The following NALF1 variants were observed in gnomAD, a reference collection of about 807,000 sequenced individuals.
The protein encoded by NALF1 is family with sequence similarity 155 member A.
Under a neutral mutation model 48.4 loss-of-function variants are expected in NALF1, and 3 were observed. The observed-to-expected ratio is 0.06, with a 90% CI of 0.03 to 0.16. The LOEUF is 0.16. Ranked by LOEUF, NALF1 falls within the 10% of genes least tolerant of loss-of-function variation. The pLI, the probability that NALF1 is intolerant of heterozygous loss-of-function variation, is 1.00. For missense variants in NALF1, 526 were observed against 571.5 expected (o/e 0.92, Z 0.81); for synonymous variants, 262 against 245.7 (o/e 1.07, Z -0.62).
intron 1 of NALF1, among the ~76,000 whole-genome samples, chr13:107,727,101 A>G (rs956582075): frequency 1.2e-4 from 18 of 152,064 alleles, no homozygotes; most frequent in African/African-American, 4.1e-4. Context: ...TGATCCTTCA[A>G]TGATACAAGA....
chr13:107,537,024 G>T (rs1876842366), intron 1 of NALF1, among the ~76,000 whole-genome samples: 1 of 152,084 alleles, frequency 6.6e-6, no homozygotes, highest in Admixed American at 6.6e-5. Context: ...GGTGGGAATT[G>T]AACAATGAGA....
intron 2 of NALF1, among the ~76,000 whole-genome samples, chr13:107,186,585 C>G (rs1315881666): frequency 6.6e-6 from 1 of 152,130 alleles, no homozygotes; most frequent in African/African-American, 2.4e-5. Flanking sequence ...CGAGGATGGT[C>G]TCGATCTCCT....
intron 1 of NALF1, among the ~76,000 whole-genome samples, chr13:107,260,537 C>T (rs575687123): frequency 6.6e-6 from 1 of 152,238 alleles, no homozygotes; most frequent in South Asian, 2.1e-4. Context: ...TAATAAAATC[C>T]CCCACTCTGA....
chr13:107,175,734 C>T (rs1398234388), intron 2 of NALF1, among the ~76,000 whole-genome samples: 1 of 152,090 alleles, frequency 6.6e-6, no homozygotes, highest in Non-Finnish European at 1.5e-5. Context: ...TCAATGACAC[C>T]CTTGGGACCT....
chr13:107,798,385 T>C (rs1027881600), intron 1 of NALF1, among the ~76,000 whole-genome samples: 2 of 152,188 alleles, frequency 1.3e-5, no homozygotes, highest in African/African-American at 2.4e-5. Flanking sequence ...ATAAAATTAA[T>C]AACAAAAATT....
intron 1 of NALF1, among the ~76,000 whole-genome samples, chr13:107,444,069 T>C (rs1226487827): frequency 6.6e-6 from 1 of 152,122 alleles, no homozygotes. Context: ...AAATTGATAA[T>C]AAAATTAGGA....
intron 1 of NALF1, among the ~76,000 whole-genome samples, chr13:107,578,796 G>A (rs915536560): frequency 2.0e-5 from 3 of 152,094 alleles, no homozygotes; most frequent in Non-Finnish European, 4.4e-5. Flanking sequence ...TGAATATGTA[G>A]AACTATACTG....
At chr13:107,172,452 T>C (rs990967465) in intron 2 of NALF1, among the ~76,000 whole-genome samples, 3 of 152,296 alleles carry the variant, frequency 2.0e-5, no homozygotes, top group African/African-American at 7.2e-5. Context: ...TAATTAAAAA[T>C]AATCTCAAAT....
At chr13:107,213,554 G>A (rs562548169) in intron 1 of NALF1, among the ~76,000 whole-genome samples, 1 of 152,302 alleles carries the variant, frequency 6.6e-6, no homozygotes, top group South Asian at 2.1e-4. Flanking sequence ...GAGCTGAATC[G>A]AAATCCGAAG....
At chr13:107,549,619 T>C (rs932553476) in intron 1 of NALF1, among the ~76,000 whole-genome samples, 6 of 152,210 alleles carry the variant, frequency 3.9e-5, no homozygotes, top group South Asian at 2.1e-4. Flanking sequence ...TGTGTATATA[T>C]GGTTGTGTAT....
At chr13:107,833,856 A>G (rs1879812252) in intron 1 of NALF1, among the ~76,000 whole-genome samples, 1 of 151,562 alleles carries the variant, frequency 6.6e-6, no homozygotes, top group East Asian at 2.0e-4. Flanking sequence ...TATCTTAATT[A>G]TATTAAAGTA....
chr13:107,307,170 C>T (rs1384577880), intron 1 of NALF1, among the ~76,000 whole-genome samples: 4 of 152,112 alleles, frequency 2.6e-5, no homozygotes, highest in Non-Finnish European at 5.9e-5. Context: ...TGAAAGTGTG[C>T]CCACAAGTGA....
Position 107,168,548 on chromosome 13 carries a change from CT to C in NALF1, c.*1948del, listed in dbSNP as rs3834949. On this transcript the variant is annotated 3_prime_UTR_variant, in exon 3 of 3. Transcript: ENST00000375915. ...GAGAATTTTGCATTTTTGGTGTTTT[CT>C]TTTTTTTTGTATTTGCGCAGACCAT... The C allele has an allele frequency of 0.15, 22,644 of 151,604 alleles. 2,025 individuals carry two copies. The highest frequency in any genetic ancestry group is 0.25 in the African/African-American group (10,279 of 41,256). The allele number at this position is 151,604 out of a possible 1,614,324, so 9.4% of individuals were successfully genotyped here.
intron 1 of NALF1, among the ~76,000 whole-genome samples, chr13:107,682,793 G>GA (rs1341266660): frequency 6.6e-6 from 1 of 152,120 alleles, no homozygotes; most frequent in Non-Finnish European, 1.5e-5. Flanking sequence ...CATGAATCAG[G>GA]ATGTCTGAGA....
At chr13:107,232,762 C>T (rs1019824921) in intron 1 of NALF1, among the ~76,000 whole-genome samples, 2 of 152,128 alleles carry the variant, frequency 1.3e-5, no homozygotes, top group South Asian at 2.1e-4. Flanking sequence ...AGTTCCTGGA[C>T]AATTAATAAA....
chr13:107,866,561 G>A lies in NALF1; in HGVS notation c.36C>T (p.Asp12=), dbSNP rs147671709. The A allele has an allele frequency of 8.7e-4, 1,400 of 1,611,658 alleles. 1 individual carries two copies. The highest frequency in any genetic ancestry group is 1.1e-3 in the Non-Finnish European group (1,257 of 1,179,884). Residue 12 remains aspartate, a synonymous_variant, in exon 1 of 3, where the codon GAC becomes GAT. Coordinates refer to ENST00000375915, the MANE Select transcript of NALF1 (RefSeq NM_001080396.3). This position sits in a 1 kb window ranked among gnomAD's most constrained non-coding sequence, Gnocchi z 4.4. Reference sequence around the variant, plus strand: ...CTGCCAACCAGATTTTTAAGCCGTCGTCATACTGCCGACACATCCAAGCAC... The same window carrying A: ...CTGCCAACCAGATTTTTAAGCCGTCATCATACTGCCGACACATCCAAGCAC... ...TRGAWMCRQY[D]DGLKIWLAAP...
At chr13:107,179,420 TTAGA>T (rs1488323520) in intron 2 of NALF1, among the ~76,000 whole-genome samples, 3 of 151,968 alleles carry the variant, frequency 2.0e-5, no homozygotes, top group East Asian at 1.9e-4. Context: ...AAAAATATAG[TTAGA>T]TAGAATGAGT....
intron 2 of NALF1, among the ~76,000 whole-genome samples, chr13:107,186,228 G>A (rs546800843): frequency 6.6e-6 from 1 of 152,230 alleles, no homozygotes; most frequent in South Asian, 2.1e-4. Context: ...ATGCTGTAAT[G>A]TATCCCACAC....
At chr13:107,333,558 C>A (rs951593621) in intron 1 of NALF1, among the ~76,000 whole-genome samples, 6 of 152,208 alleles carry the variant, frequency 3.9e-5, no homozygotes, top group African/African-American at 1.4e-4. Context: ...GAGGAAGTTC[C>A]GTGAGTATTG....
Sources: gnomAD v4.1 joint callset for allele counts (sites outside exome capture counted in the v4.1 genomes callset) on GRCh38, gnomAD v4.1.1 for gene constraint, Gnocchi (gnomAD v3.1) non-coding constraint, MANE v1.5 for transcripts, NCBI Gene and HGNC (gene_info 2026-07-23, HGNC 2026-07-21) for gene names.